The following PRPF6 variants were observed in gnomAD, a reference collection of about 807,000 sequenced individuals.
PRPF6 encodes the protein pre-mRNA processing factor 6.
PRPF6 carries 42 observed loss-of-function variants against 118.3 expected under a neutral mutation model. The ratio of observed to expected loss-of-function variants is 0.35; its 90% confidence interval spans 0.28 to 0.46. The LOEUF (loss-of-function observed/expected upper bound fraction) is 0.46, where lower values mean the gene tolerates loss of function less well. Ranked by LOEUF, PRPF6 falls within the 20% of genes least tolerant of loss-of-function variation. The pLI, the probability that PRPF6 is intolerant of heterozygous loss-of-function variation, is 1.00. For synonymous variants in PRPF6, 481 were observed against 485.1 expected, an observed-to-expected ratio of 0.99 and a Z score of 0.11; for missense variants, 662 against 1,255.7, an observed-to-expected ratio of 0.53 and a Z score of 7.15.
rs143450861 is a variant in PRPF6, at chr20:63,983,709, C to T, written c.240+494C>T. Among the ~76,000 whole-genome samples the T allele has an allele frequency of 6.5e-4, 94 of 145,094 alleles. 1 individual carries two copies. In the East Asian group the frequency reaches 0.017, roughly 26 times the overall value. On this transcript the variant is annotated intron_variant, in intron 2 of 20. Transcript: ENST00000266079. The stretch of plus-strand genomic sequence containing the variant: ...CGCTCTTGTTGGCCAGGCTGGAGTG[C>T]AGTGGTGTGATCTCAGCTCACTGTG...
intron 7 of PRPF6, 30 bp downstream of exon 7, chr20:63,999,169 G>A (rs2059154514): frequency 1.3e-6 from 2 of 1,585,966 alleles, no homozygotes; most frequent in Non-Finnish European, 8.7e-7. Context: ...GCTGGGCTGG[G>A]ATGGAGACTC....
Position 64,011,790 on chromosome 20 carries a change from G to A in PRPF6, c.1524+287G>A, listed in dbSNP as rs1385265680. On this transcript the variant is annotated intron_variant, in intron 11 of 20. Coordinates refer to ENST00000266079, the MANE Select transcript of PRPF6 (RefSeq NM_012469.4). This position sits in a 1 kb window ranked among gnomAD's most constrained non-coding sequence, Gnocchi z 6.7. ...TAGAAATGATACACCTACGAGAGGA[G>A]GACAGGAAGTCTCATGGCTTCTTTC... Among the ~76,000 whole-genome samples the A allele has an allele frequency of 8.3e-6, 1 of 120,938 alleles. No homozygotes were observed. Among genetic ancestry groups the A allele is most frequent in the African/African-American group, 3.3e-5 (1 of 30,266 alleles). The allele number at this position is 120,938 out of a possible 152,430, so 79.3% of individuals were successfully genotyped here. A position where few individuals can be genotyped will look rare whatever the true frequency, so the allele number is the denominator to read the frequency against.
At chr20:63,989,941 T>C (rs535549032) in intron 3 of PRPF6, among the ~76,000 whole-genome samples, 1 of 150,186 alleles carries the variant, frequency 6.7e-6, no homozygotes, top group East Asian at 2.0e-4. Flanking sequence ...TTTTTTTGAG[T>C]CTCCCAGGCT....
At chr20:64,017,867 G>A (rs1461789575) in intron 12 of PRPF6, among the ~76,000 whole-genome samples, 2 of 152,250 alleles carry the variant, frequency 1.3e-5, no homozygotes, top group African/African-American at 4.8e-5. Context: ...TCAGGACATT[G>A]ATGTTGGGAC....
intron 7 of PRPF6, 22 bp from the exon 8 acceptor site, chr20:63,999,581 G>C (rs572422493): frequency 6.2e-7 from 1 of 1,613,638 alleles, no homozygotes; most frequent in Non-Finnish European, 8.5e-7. Flanking sequence ...GCCTGATGCC[G>C]TGTGCACTCT....
chr20:64,014,590 C>T (rs1375156459), intron 11 of PRPF6, among the ~76,000 whole-genome samples: 3 of 151,942 alleles, frequency 2.0e-5, no homozygotes, highest in Non-Finnish European at 4.4e-5. Context: ...CTGGCGGAGG[C>T]AGAGGTTGCA....
At position 64,029,517 on chromosome 20, in the gene PRPF6, T is replaced by C. The variant is rs757129383; in HGVS notation, c.2546+26T>C. 8 of 1,590,830 alleles carry C rather than the reference T, an allele frequency of 5.0e-6. No individual in the cohort carries two copies. Among genetic ancestry groups the C allele is most frequent in the Non-Finnish European group, 2.6e-6 (3 of 1,159,156 alleles). Reference sequence around the variant, plus strand: ...GTGAGTGGGGCCCCCACAGGATTGCTGAACCTCGGGGTCCTAATGGGCTCT... The same window carrying C: ...GTGAGTGGGGCCCCCACAGGATTGCCGAACCTCGGGGTCCTAATGGGCTCT... On this transcript the variant is annotated intron_variant, in intron 19 of 20. Transcript: ENST00000266079. This position sits in a 1 kb window ranked among gnomAD's most constrained non-coding sequence, Gnocchi z 4.8.
chr20:63,985,150 G>GC (rs2059087761), intron 3 of PRPF6, 125 bp downstream of exon 3: 1 of 739,428 alleles, frequency 1.4e-6, no homozygotes, highest in Admixed American at 2.0e-5. Context: ...GATAGCTAGA[G>GC]CCCAGGGGTT....
chr20:63,987,189 A>AAAAAAG (rs1555916398), intron 3 of PRPF6, among the ~76,000 whole-genome samples: 6 of 117,178 alleles, frequency 5.1e-5, no homozygotes, highest in African/African-American at 1.8e-4. Context: ...AAAAAAAAAA[A>AAAAAAG]GGGGGGGGGA....
At chr20:63,983,636 T>C (rs1259102338) in intron 2 of PRPF6, among the ~76,000 whole-genome samples, 2 of 151,562 alleles carry the variant, frequency 1.3e-5, no homozygotes, top group Admixed American at 1.3e-4. Flanking sequence ...TGCCTTGGCA[T>C]TTCCTATTGG....
rs760119045 is a variant in PRPF6 at position 63,994,970 on chromosome 20, G to A, written c.493G>A (p.Asp165Asn). 2 of 1,614,140 alleles carry A rather than the reference G, an allele frequency of 1.2e-6. No homozygotes were observed. The highest frequency in any genetic ancestry group is 1.1e-5 in the South Asian group (1 of 91,082). ...EEWLSIPEVG[D>N]ARNKRQRNPR... ...GTGGCTGAGCATCCCCGAGGTTGGC[G>A]ATGCCAGAAATAAACGTCAGCGGAA... Residue 165 changes from aspartate to asparagine, a missense_variant, in exon 5 of 21, where the codon GAT (aspartate) becomes AAT (asparagine). This residue lies in a region of PRPF6 where 97 missense variants were observed against 122.6 expected (regional missense o/e 0.79). Transcript: ENST00000266079.
At chr20:63,990,573 G>T (rs1382843923) in intron 3 of PRPF6, among the ~76,000 whole-genome samples, 1 of 151,448 alleles carries the variant, frequency 6.6e-6, no homozygotes, top group Non-Finnish European at 1.5e-5. Flanking sequence ...TGGCTCAAGC[G>T]ATTCTCCTGC....
chr20:63,991,688 G>A (rs1285960728), intron 3 of PRPF6, among the ~76,000 whole-genome samples: 1 of 151,986 alleles, frequency 6.6e-6, no homozygotes. Context: ...TACTCAGGAG[G>A]CTGAGGCACG....
intron 9 of PRPF6, among the ~76,000 whole-genome samples, chr20:64,004,189 C>T (rs4809388): frequency 0.12 from 17,808 of 152,098 alleles, 1,297 homozygotes; most frequent in Non-Finnish European, 0.17. Flanking sequence ...CTGTTGGAGG[C>T]GGGGGCCTTC....
At position 64,016,123 on chromosome 20, in the gene PRPF6, C is replaced by CT. The variant is rs756499334; in HGVS notation, c.1525-586dup. Among the ~76,000 whole-genome samples, 1,302 of 141,958 alleles carry CT rather than the reference C, an allele frequency of 9.2e-3. 19 individuals are homozygous for CT. Among genetic ancestry groups the CT allele is most frequent in the East Asian group, 0.047 (232 of 4,964 alleles). 93.1% of individuals were successfully genotyped at this position (141,958 alleles called of 152,430 possible). The stretch of plus-strand genomic sequence containing the variant: ...ACAGGGAGAGACCTTGACTCTCTCT[C>CT]TTTTTTTTTTTTTTCTGAGACGTAG... On this transcript the variant is annotated intron_variant, in intron 11 of 20. Transcript: ENST00000266079.
intron 3 of PRPF6, 91 bp downstream of exon 3, chr20:63,985,116 C>T: frequency 9.7e-7 from 1 of 1,030,462 alleles, no homozygotes; most frequent in Non-Finnish European, 1.5e-6. Flanking sequence ...GTAATCCTAG[C>T]ACTTTGAGAG....
chr20:63,982,455 C>T (rs2059074550), intron 1 of PRPF6, among the ~76,000 whole-genome samples: 1 of 152,220 alleles, frequency 6.6e-6, no homozygotes, highest in Non-Finnish European at 1.5e-5. Context: ...CAGGCGTGAG[C>T]CACCACGCCC....
intron 3 of PRPF6, among the ~76,000 whole-genome samples, chr20:63,987,742 A>G (rs1439783963): frequency 2.0e-5 from 3 of 152,204 alleles, no homozygotes; most frequent in African/African-American, 7.2e-5. Context: ...GAACTGACAA[A>G]TTGATTAAAG....
intron 3 of PRPF6, among the ~76,000 whole-genome samples, chr20:63,987,613 AC>A: frequency 6.6e-6 from 1 of 152,390 alleles, no homozygotes; most frequent in South Asian, 2.1e-4. Context: ...GAGCAGTCGG[AC>A]CAGAGAAATA....
Sources: allele counts gnomAD v4.1 joint callset (sites outside exome capture counted in the v4.1 genomes callset), GRCh38; gene constraint gnomAD v4.1.1; regional missense constraint gnomAD v4.1.1; non-coding constraint Gnocchi (gnomAD v3.1); transcripts MANE v1.5; gene names NCBI Gene and HGNC (gene_info 2026-07-23, HGNC 2026-07-21).